Variants in SLCO1C1 observed in about 807,000 individuals in gnomAD.
SLCO1C1 encodes the protein OAT-RP-5.
SLCO1C1 carries 70 observed loss-of-function variants against 76.4 expected under a neutral mutation model. That is an observed-to-expected ratio of 0.92 (90% CI 0.76 to 1.12). The LOEUF is 1.12. Among genes scored for constraint, SLCO1C1 ranks in the 50% most tolerant of loss-of-function variants. The pLI, the probability that SLCO1C1 is intolerant of heterozygous loss-of-function variation, is 0.00. For missense variants in SLCO1C1, 912 were observed against 823.8 expected (o/e 1.11, Z -1.31); for synonymous variants, 306 against 286.1 (o/e 1.07, Z -0.70).
chr12:20,733,020 T>C lies in SLCO1C1; in HGVS notation c.1298T>C (p.Val433Ala). The C allele has an allele frequency of 1.2e-6, 2 of 1,613,740 alleles. No individual in the cohort carries two copies. The highest frequency in any genetic ancestry group is 1.3e-5 in the African/African-American group (1 of 75,026). ...GCAAAACTCTACTTGGGATCATCTGTCTTTGGTTACCTCCTATTTCTTTCC... is the reference window on the plus strand; with the variant it reads ...GCAAAACTCTACTTGGGATCATCTGCCTTTGGTTACCTCCTATTTCTTTCC... ...GAAKLYLGSS[V>A]FGYLLFLSLF... The change falls in exon 10 of 15, where the codon GTC becomes GCC. Residue 433 changes from valine to alanine, a missense_variant. Coordinates refer to ENST00000266509, the MANE Select transcript of SLCO1C1 (RefSeq NM_017435.5).
Position 20,715,124 on chromosome 12 carries a change from T to G in SLCO1C1, c.530-15T>G. 6.2e-7 allele frequency: 1 copy of G among 1,613,648 alleles called. No individual in the cohort carries two copies. The highest frequency in any genetic ancestry group is 8.5e-7 in the Non-Finnish European group (1 of 1,179,778). ...GTGATCTATTTTCAATCCTCTGGTT[T>G]GCCTTTCTTTCAAGAATGTGAAGTG... On this transcript the variant is annotated splice_polypyrimidine_tract_variant and intron_variant, in intron 5 of 14. Coordinates refer to ENST00000266509, the MANE Select transcript of SLCO1C1 (RefSeq NM_017435.5).
intron 10 of SLCO1C1, among the ~76,000 whole-genome samples, chr12:20,735,158 C>G (rs1948481223): frequency 6.6e-6 from 1 of 151,900 alleles, no homozygotes; most frequent in African/African-American, 2.4e-5. Flanking sequence ...AAATGTTTCC[C>G]ATGGGTTTTT....
intron 13 of SLCO1C1, among the ~76,000 whole-genome samples, chr12:20,748,171 T>C (rs765872988): frequency 1.4e-4 from 22 of 152,324 alleles, no homozygotes; most frequent in Non-Finnish European, 2.4e-4. Flanking sequence ...AGGTCCACAA[T>C]TGCATTAGGT....
chr12:20,705,771 A>AG (rs1446453357), intron 3 of SLCO1C1, among the ~76,000 whole-genome samples, 178 bp from the exon 4 acceptor site: 1 of 152,080 alleles, frequency 6.6e-6, no homozygotes, highest in Non-Finnish European at 1.5e-5. Flanking sequence ...AGGTGATTGA[A>AG]GTAATGAACA....
chr12:20,711,002 C>T (rs1947068270), intron 4 of SLCO1C1, among the ~76,000 whole-genome samples: 1 of 150,564 alleles, frequency 6.6e-6, no homozygotes, highest in Admixed American at 6.6e-5. Flanking sequence ...GTTCCCTGGG[C>T]CACATTGGAA....
chr12:20,720,025 T>C (rs946460304), intron 7 of SLCO1C1, among the ~76,000 whole-genome samples: 2 of 152,198 alleles, frequency 1.3e-5, no homozygotes, highest in Non-Finnish European at 2.9e-5. Context: ...CTAAGGCCAC[T>C]GGTGACTTTA....
intron 4 of SLCO1C1, among the ~76,000 whole-genome samples, chr12:20,709,134 G>T (rs975030264): frequency 6.6e-6 from 1 of 152,086 alleles, no homozygotes; most frequent in Non-Finnish European, 1.5e-5. Flanking sequence ...GCATCAGTCA[G>T]GATTTGAATG....
chr12:20,743,489 G>C, intron 13 of SLCO1C1, 120 bp downstream of exon 13: 1 of 664,494 alleles, frequency 1.5e-6, no homozygotes, highest in Non-Finnish European at 2.5e-6. Context: ...AAAGTTCATA[G>C]TCTTTTTTAT....
At chr12:20,707,495 T>G (rs966491229) in intron 4 of SLCO1C1, among the ~76,000 whole-genome samples, 1 of 152,112 alleles carries the variant, frequency 6.6e-6, no homozygotes, top group Non-Finnish European at 1.5e-5. Context: ...CTGCAGTGGA[T>G]CAGTAGCTCT....
Position 20,737,252 on chromosome 12 carries a change from A to C in SLCO1C1, c.1528A>C (p.Asn510His). 1 of 1,562,968 alleles carries C rather than the reference A, an allele frequency of 6.4e-7. No individual in the cohort carries two copies. Among genetic ancestry groups the C allele is most frequent in the South Asian group, 1.2e-5 (1 of 81,758 alleles). ...TTGTCTTGCTGGTTGTCAAACCTCC[A>C]ACAGGAGTGGAAAAAATATTGTAAG... Reference protein sequence around the residue: ...SACLAGCQTSNRSGKNIIFYN... With the variant: ...SACLAGCQTSHRSGKNIIFYN... The change falls in exon 11 of 15, where the codon AAC becomes CAC. Residue 510 changes from asparagine (N) to histidine (H), a missense_variant. Coordinates refer to ENST00000266509, the MANE Select transcript of SLCO1C1 (RefSeq NM_017435.5).
intron 10 of SLCO1C1, among the ~76,000 whole-genome samples, chr12:20,736,635 A>G (rs1011808124): frequency 1.3e-5 from 2 of 152,084 alleles, no homozygotes; most frequent in Non-Finnish European, 2.9e-5. Flanking sequence ...CTGATTGGCT[A>G]TTTTTCCTTT....
intron 7 of SLCO1C1, 36 bp downstream of exon 7, chr12:20,717,266 T>G: frequency 6.6e-7 from 1 of 1,510,434 alleles, no homozygotes; most frequent in African/African-American, 1.4e-5. Context: ...TCATGTATTT[T>G]AGTCACTGTA....
intron 4 of SLCO1C1, among the ~76,000 whole-genome samples, chr12:20,708,609 G>A (rs977466558): frequency 6.6e-6 from 1 of 152,070 alleles, no homozygotes; most frequent in East Asian, 1.9e-4. Flanking sequence ...TGGATATCTG[G>A]GAAAGAAGAC....
chr12:20,710,099 T>C (rs1297917240), intron 4 of SLCO1C1, among the ~76,000 whole-genome samples: 2 of 151,842 alleles, frequency 1.3e-5, no homozygotes, highest in African/African-American at 4.8e-5. Context: ...AGGTGCAGAT[T>C]GCACAAAACA....
intron 10 of SLCO1C1, among the ~76,000 whole-genome samples, chr12:20,733,942 C>T (rs546498321): frequency 1.1e-4 from 16 of 152,266 alleles, no homozygotes; most frequent in African/African-American, 3.8e-4. Flanking sequence ...TTCATCATTT[C>T]ACCTATATAT....
chr12:20,717,903 C>A (rs545149405), intron 7 of SLCO1C1, among the ~76,000 whole-genome samples: 4 of 151,554 alleles, frequency 2.6e-5, no homozygotes, highest in Admixed American at 6.6e-5. Context: ...CCAAGAGATC[C>A]GTTATAAACT....
At chr12:20,748,363 T>C (rs1314310003) in intron 13 of SLCO1C1, among the ~76,000 whole-genome samples, 2 of 152,180 alleles carry the variant, frequency 1.3e-5, no homozygotes, top group Non-Finnish European at 2.9e-5. Flanking sequence ...TCTCTGAGCA[T>C]ACAAATATTT....
At chr12:20,705,036 T>C (rs1479923585) in intron 3 of SLCO1C1, among the ~76,000 whole-genome samples, 3 of 151,940 alleles carry the variant, frequency 2.0e-5, no homozygotes. Flanking sequence ...CAGAAACGTT[T>C]GGTACTTGCC....
intron 1 of SLCO1C1, among the ~76,000 whole-genome samples, chr12:20,698,066 T>C (rs1946344419): frequency 6.6e-6 from 1 of 152,058 alleles, no homozygotes; most frequent in Non-Finnish European, 1.5e-5. Context: ...TCAATATAGG[T>C]AATGAATATT....
Sources: gnomAD v4.1 joint callset for allele counts (sites outside exome capture counted in the v4.1 genomes callset) on GRCh38, gnomAD v4.1.1 for gene constraint, MANE v1.5 for transcripts, NCBI Gene and HGNC (gene_info 2026-07-23, HGNC 2026-07-21) for gene names.